The following AIFM1 variants were observed in gnomAD, a reference collection of about 807,000 sequenced individuals.
AIFM1 encodes apoptosis-inducing factor 1, mitochondrial.
In AIFM1, 3 loss-of-function variants were observed where a neutral mutation model predicts 51.7. The observed-to-expected ratio is 0.06, with a 90% confidence interval of 0.03 to 0.15. AIFM1 has a LOEUF of 0.15. Among genes scored for constraint, AIFM1 ranks in the 10% least tolerant of loss-of-function variants. The pLI, the probability that AIFM1 is intolerant of heterozygous loss-of-function variation, is 1.00. For synonymous variants in AIFM1, 178 were observed against 179.4 expected, an observed-to-expected ratio of 0.99 and a Z score of 0.06; for missense variants, 330 against 476.8, an observed-to-expected ratio of 0.69 and a Z score of 2.87.
Position 130,133,345 on chromosome X carries a change from A to G in AIFM1, c.1416T>C (p.Ala472=), listed in dbSNP as rs141324245. 5.1e-4 allele frequency: 617 copies of G among 1,209,289 alleles called. 1 individual carries two copies. The African/African-American group carries it at 8.5e-3, about 17-fold the overall frequency. The part of the protein sequence containing the change: ...GRLAGENMTG[A]AKPYWHQSMF... ...TTGACTGATGCCAGTACGGCTTAGCAGCTCCAGTCATATTTTCTCCAGCCA... is the reference window on the plus strand; with the variant it reads ...TTGACTGATGCCAGTACGGCTTAGCGGCTCCAGTCATATTTTCTCCAGCCA... Residue 472 remains alanine (A), a synonymous_variant, in exon 13 of 16, where the codon GCT becomes GCC. Coordinates refer to ENST00000287295, the MANE Select transcript of AIFM1 (RefSeq NM_004208.4).
intron 13 of AIFM1, among the ~76,000 whole-genome samples, chrX:130,132,023 C>T (rs1165037075): frequency 9.0e-6 from 1 of 111,553 alleles, no homozygotes; most frequent in Non-Finnish European, 1.9e-5. Flanking sequence ...CAGGCACCCA[C>T]TACCACCCTG....
In AIFM1 at chrX:130,130,338, TC is replaced by T. The variant is rs1342726465; in HGVS notation, c.1574-173del. On this transcript the variant is annotated intron_variant, in intron 14 of 15. Transcript: ENST00000287295. ...AAACCCTGGCCTTCACCAGCCCCTC[TC>T]CAGTGACAAAGCCAAGGAAAGGTCT... Among the ~76,000 whole-genome samples, 3 of 111,869 alleles carry T rather than the reference TC, an allele frequency of 2.7e-5. No individual in the cohort carries two copies. The East Asian group carries it at 8.4e-4, about 31-fold the overall frequency.
Position 130,138,635 on chromosome X carries a change from C to T in AIFM1, c.925G>A (p.Gly309Ser). 1 of 1,210,798 alleles carries T rather than the reference C, an allele frequency of 8.3e-7. No individual in the cohort carries two copies. Among genetic ancestry groups the T allele is most frequent in the South Asian group, 1.8e-5 (1 of 56,946 alleles). The change falls in exon 9 of 16, where the codon GGC becomes AGC. Residue 309 changes from glycine (G) to serine (S), a missense_variant. Gly to Ser is a moderately conservative substitution (Grantham distance 56, BLOSUM62 0). This residue lies in a region of AIFM1 where 152 missense variants were observed against 292.8 expected (regional missense o/e 0.52). Transcript: ENST00000287295. ...EVKSITIIGG[G>S]FLGSELACAL... ...CAGGCCAGTTCGCTACCAAGGAAGC[C>T]CCCACCGATAATCGTAATTGATTTG...
rs2030330645 is a variant in AIFM1, at chrX:130,136,223, G to A, written c.1165-38C>T. ...AGAAATAATTCAGTCAATTACCACAGTTTCCATTTATGCCTACAGGCGTAA... is the reference window on the plus strand; with the variant it reads ...AGAAATAATTCAGTCAATTACCACAATTTCCATTTATGCCTACAGGCGTAA... On this transcript the variant is annotated intron_variant, in intron 11 of 15. Transcript: ENST00000287295. The A allele has an allele frequency of 1.5e-5, 18 of 1,204,706 alleles. No homozygotes were observed. The East Asian group carries it at 5.3e-4, about 36-fold the overall frequency.
chrX:130,131,877 A>ATTT, intron 13 of AIFM1, 78 bp from the exon 14 acceptor site: 6 of 934,835 alleles, frequency 6.4e-6, no homozygotes, highest in South Asian at 2.3e-5. Context: ...ATGACACTGC[A>ATTT]TTTTTTTTTT....
At chrX:130,130,998 C>G (rs900042104) in intron 14 of AIFM1, among the ~76,000 whole-genome samples, 9 of 112,573 alleles carry the variant, frequency 8.0e-5, no homozygotes, top group African/African-American at 2.9e-4. Context: ...GTCTTGCTTT[C>G]TCCTTCTTAA....
At chrX:130,130,269 T>C in intron 14 of AIFM1, 103 bp from the exon 15 acceptor site, 1 of 907,188 alleles carries the variant, frequency 1.1e-6, no homozygotes, top group East Asian at 3.2e-5. Flanking sequence ...CGAGGCCTGC[T>C]TCAAGCTACT....
At chrX:130,152,589 T>C (rs1314372513) in intron 2 of AIFM1, among the ~76,000 whole-genome samples, 7 of 111,829 alleles carry the variant, frequency 6.3e-5, no homozygotes, top group African/African-American at 2.0e-4. Flanking sequence ...TGCAATCCTA[T>C]AGCTTAACAA....
intron 14 of AIFM1, among the ~76,000 whole-genome samples, chrX:130,130,940 G>A (rs753203750): frequency 3.6e-5 from 4 of 112,203 alleles, no homozygotes; most frequent in African/African-American, 6.5e-5. Flanking sequence ...TAAGGAATAT[G>A]GAATACATTA....
intron 9 of AIFM1, chrX:130,137,888 C>A: frequency 3.0e-6 from 1 of 328,748 alleles, no homozygotes; most frequent in Non-Finnish European, 4.2e-6. Flanking sequence ...CATGGAGAAA[C>A]CCTGTCTCTA....
At chrX:130,137,277 A>C in intron 9 of AIFM1, 92 bp from the exon 10 acceptor site, 1 of 1,202,329 alleles carries the variant, frequency 8.3e-7, no homozygotes. Flanking sequence ...GGCAGCCCTC[A>C]CTACAGACAG....
At chrX:130,148,558 G>A (rs940732582) in intron 3 of AIFM1, among the ~76,000 whole-genome samples, 4 of 111,294 alleles carry the variant, frequency 3.6e-5, no homozygotes. Context: ...TTTCGGCTGG[G>A]CGTGGTGGCT....
intron 9 of AIFM1, among the ~76,000 whole-genome samples, chrX:130,138,333 C>T (rs1301076239): frequency 1.8e-5 from 2 of 110,376 alleles, no homozygotes; most frequent in Non-Finnish European, 3.8e-5. Context: ...GGCGTGGTTA[C>T]AGGCGCCTGT....
intron 1 of AIFM1, among the ~76,000 whole-genome samples, chrX:130,160,142 T>C (rs979855508): frequency 1.1e-4 from 12 of 112,400 alleles, no homozygotes; most frequent in South Asian, 3.7e-4. Context: ...CTTTTAAAAC[T>C]TTTTATATAC....
chrX:130,137,045 T>C lies in AIFM1; in HGVS notation c.1075+33A>G, dbSNP rs755196396. 1.6e-5 allele frequency: 19 copies of C among 1,208,963 alleles called. No homozygotes were observed. The East Asian group carries it at 2.1e-4, about 13-fold the overall frequency. On this transcript the variant is annotated intron_variant, in intron 10 of 15. Coordinates refer to ENST00000287295, the MANE Select transcript of AIFM1 (RefSeq NM_004208.4). The stretch of plus-strand genomic sequence containing the variant: ...TGCCTTAGGTCACACTCAAAGGAAA[T>C]AGAGTGGCAGCATATAGAAACAGTC...
Position 130,138,774 on chromosome X carries a change from C to A in AIFM1, c.859-73G>T, listed in dbSNP as rs748294674. 1.8e-4 allele frequency: 131 copies of A among 735,994 alleles called. 1 individual carries two copies. In the African/African-American group the frequency reaches 2.2e-3, roughly 12 times the overall value. 60.7% of individuals were successfully genotyped at this position (735,994 alleles called of 1,213,427 possible). ...GGATAATAATACTAGAAAGTAGTTT[C>A]TTCTAAATCTTTGGCAAAAGTAAAT... On this transcript the variant is annotated intron_variant, in intron 8 of 15. Transcript: ENST00000287295.
At chrX:130,134,809 C>A (rs2030257159) in intron 12 of AIFM1, among the ~76,000 whole-genome samples, 1 of 111,809 alleles carries the variant, frequency 8.9e-6, no homozygotes, top group Non-Finnish European at 1.9e-5. Context: ...GAGTGAGCAA[C>A]CGTAAACTGT....
intron 9 of AIFM1, chrX:130,137,659 C>T (rs1368664420): frequency 9.1e-7 from 1 of 1,103,671 alleles, no homozygotes; most frequent in African/African-American, 1.9e-5. Context: ...TCAAAGACAC[C>T]CATAATTCTG....
intron 11 of AIFM1, 113 bp from the exon 12 acceptor site, chrX:130,136,298 T>A: frequency 1.1e-6 from 1 of 898,267 alleles, no homozygotes; most frequent in Non-Finnish European, 1.6e-6. Context: ...AATCATGGGT[T>A]AACTTACCTC....
Sources: gnomAD v4.1 joint callset for allele counts (sites outside exome capture counted in the v4.1 genomes callset) on GRCh38, gnomAD v4.1.1 for gene constraint, gnomAD v4.1.1 regional missense constraint, MANE v1.5 for transcripts, NCBI Gene and HGNC (gene_info 2026-07-23, HGNC 2026-07-21) for gene names.